The following LHFPL3 variants were observed in gnomAD, a reference collection of about 807,000 sequenced individuals.
The protein encoded by LHFPL3 is LHFPL tetraspan subfamily member 3, also known as LHFPL tetraspan subfamily member 3 protein.
A neutral mutation model predicts 19.3 loss-of-function variants in LHFPL3; 5 were observed. The ratio of observed to expected loss-of-function variants is 0.26; its 90% CI spans 0.14 to 0.54. LHFPL3 has a LOEUF of 0.54. Among genes scored for constraint, LHFPL3 ranks in the 20% least tolerant of loss-of-function variants. LHFPL3 has a pLI of 0.94. For synonymous variants in LHFPL3, 133 were observed against 126.2 expected (o/e 1.05, Z -0.36); for missense variants, 249 against 307.4 (o/e 0.81, Z 1.42).
chr7:104,753,829 T>C (rs960502134), intron 2 of LHFPL3, among the ~76,000 whole-genome samples: 1 of 152,182 alleles, frequency 6.6e-6, no homozygotes, highest in Admixed American at 6.5e-5. Flanking sequence ...TAAATGCAAG[T>C]TAAAACAGTG....
At chr7:104,840,308 C>CTTTTTTTTTTTTTTTTTTTTTTTTTTTT (rs67980957) in intron 2 of LHFPL3, among the ~76,000 whole-genome samples, 1 of 118,376 alleles carries the variant, frequency 8.4e-6, no homozygotes, top group Non-Finnish European at 1.6e-5. Context: ...TGTGGGTTTT[C>CTTTTTTTTTTTTTTTTTTTTTTTTTTTT]TTTTTTTTTT....
intron 2 of LHFPL3, among the ~76,000 whole-genome samples, chr7:104,896,955 G>A (rs187884524): frequency 1.4e-4 from 22 of 152,072 alleles, no homozygotes; most frequent in African/African-American, 3.9e-4. Context: ...GCATGGTGGC[G>A]CACACCTGTA....
intron 1 of LHFPL3, among the ~76,000 whole-genome samples, chr7:104,673,947 A>T (rs1792536186): frequency 6.6e-6 from 1 of 152,140 alleles, no homozygotes; most frequent in Admixed American, 6.5e-5. Context: ...CCCATTTAAG[A>T]AGGGAAGAAA....
intron 1 of LHFPL3, among the ~76,000 whole-genome samples, chr7:104,484,943 T>C (rs11765708): frequency 0.25 from 37,786 of 151,948 alleles, 5,827 homozygotes; most frequent in African/African-American, 0.43. Flanking sequence ...TACTATTACA[T>C]TGGGGATTAA....
intron 1 of LHFPL3, among the ~76,000 whole-genome samples, chr7:104,575,490 A>G (rs565600743): frequency 1.4e-5 from 2 of 142,824 alleles, no homozygotes; most frequent in Non-Finnish European, 3.0e-5. Flanking sequence ...TTTATATATT[A>G]TTGGCAAATA....
intron 2 of LHFPL3, chr7:104,796,625 A>G (rs1790134163): frequency 6.6e-6 from 1 of 152,512 alleles, no homozygotes; most frequent in Non-Finnish European, 1.5e-5. Context: ...CAGGAAGGAC[A>G]TGACAGGAAA....
intron 1 of LHFPL3, among the ~76,000 whole-genome samples, chr7:104,572,924 A>G (rs1448099145): frequency 6.6e-6 from 1 of 152,220 alleles, no homozygotes; most frequent in East Asian, 1.9e-4. Flanking sequence ...TTAAATAGAA[A>G]TAGCAGGTCT....
rs1793893720 is a variant in LHFPL3 at position 104,739,585 on chromosome 7, T to C, written c.682+2674T>C. On this transcript the variant is annotated intron_variant, in intron 2 of 2. Coordinates refer to ENST00000424859, the MANE Select transcript of LHFPL3 (RefSeq NM_199000.3). ...TAACTTTTCACCTATTAAGACTTTT[T>C]TCACTATTTTTTTTTGCTGCTGTTC... Among the ~76,000 whole-genome samples, 4 of 152,190 alleles carry C rather than the reference T, an allele frequency of 2.6e-5. No homozygotes were observed. The South Asian group carries it at 8.3e-4, about 32-fold the overall frequency.
At chr7:104,732,297 TG>T (rs1793719826) in intron 1 of LHFPL3, among the ~76,000 whole-genome samples, 1 of 152,212 alleles carries the variant, frequency 6.6e-6, no homozygotes, top group African/African-American at 2.4e-5. Context: ...TCGGAAGGCT[TG>T]GTACCAGCTG....
intron 2 of LHFPL3, among the ~76,000 whole-genome samples, chr7:104,812,079 G>T (rs773638605): frequency 5.3e-5 from 8 of 152,186 alleles, no homozygotes; most frequent in Non-Finnish European, 1.0e-4. Flanking sequence ...GCTTTTCTTG[G>T]TGTCTGAGAC....
At chr7:104,864,473 C>T (rs575570963) in intron 2 of LHFPL3, among the ~76,000 whole-genome samples, 10 of 152,338 alleles carry the variant, frequency 6.6e-5, no homozygotes, top group East Asian at 3.9e-4. Context: ...GATTATATCC[C>T]GCACCTGGCT....
intron 1 of LHFPL3, among the ~76,000 whole-genome samples, chr7:104,518,838 G>GATAA (rs1391934816): frequency 3.5e-4 from 52 of 150,196 alleles, no homozygotes; most frequent in African/African-American, 1.2e-3. Context: ...TAGATAGATA[G>GATAA]ATAGATAGAA....
intron 1 of LHFPL3, among the ~76,000 whole-genome samples, chr7:104,375,418 G>A (rs1304369400): frequency 5.3e-5 from 8 of 152,050 alleles, no homozygotes; most frequent in Admixed American, 5.2e-4. Context: ...GGTAAAATTT[G>A]GTGTGTTTGG....
intron 1 of LHFPL3, among the ~76,000 whole-genome samples, chr7:104,551,011 G>A (rs1303110476): frequency 6.6e-6 from 1 of 151,966 alleles, no homozygotes; most frequent in Non-Finnish European, 1.5e-5. Context: ...ATTTAGCTCA[G>A]CTATAGACCT....
At chr7:104,736,996 G>T (rs1793838531) in intron 2 of LHFPL3, 85 bp downstream of exon 2, 2 of 1,079,822 alleles carry the variant, frequency 1.9e-6, no homozygotes, top group East Asian at 5.2e-5. Flanking sequence ...AAATACTAGT[G>T]CTTCCCCTGA....
intron 2 of LHFPL3, among the ~76,000 whole-genome samples, chr7:104,788,826 T>G (rs1350631149): frequency 6.6e-6 from 1 of 152,196 alleles, no homozygotes; most frequent in Non-Finnish European, 1.5e-5. Context: ...CTTCACTCGT[T>G]CCCTCTCTCA....
At chr7:104,881,159 G>C (rs1185178119) in intron 2 of LHFPL3, among the ~76,000 whole-genome samples, 2 of 114,744 alleles carry the variant, frequency 1.7e-5, no homozygotes, top group Non-Finnish European at 3.3e-5. Flanking sequence ...AACAGAGTGA[G>C]ATTCCATCTC....
intron 1 of LHFPL3, among the ~76,000 whole-genome samples, chr7:104,420,354 C>T (rs1330604298): frequency 6.6e-6 from 1 of 152,146 alleles, no homozygotes; most frequent in African/African-American, 2.4e-5. Flanking sequence ...TATGACTGTC[C>T]ACTGCTTTAT....
intron 2 of LHFPL3, among the ~76,000 whole-genome samples, chr7:104,737,728 T>C (rs1793856177): frequency 6.6e-6 from 1 of 152,236 alleles, no homozygotes; most frequent in Admixed American, 6.5e-5. Flanking sequence ...TTTATCTTTA[T>C]GTTATCTTTA....
Sources: gnomAD v4.1 joint callset for allele counts (sites outside exome capture counted in the v4.1 genomes callset) on GRCh38, gnomAD v4.1.1 for gene constraint, MANE v1.5 for transcripts, NCBI Gene and HGNC (gene_info 2026-07-23, HGNC 2026-07-21) for gene names.